The following ALPK2 variants were observed in gnomAD, a reference collection of about 807,000 sequenced individuals.
ALPK2 encodes the protein alpha kinase 2.
A neutral mutation model predicts 163.1 loss-of-function variants in ALPK2; 127 were observed. The observed-to-expected ratio is 0.78, with a 90% CI of 0.67 to 0.90. ALPK2 has a LOEUF of 0.90. Ranked by LOEUF, ALPK2 falls within the 40% of genes least tolerant of loss-of-function variation. The pLI is 0.00. For synonymous variants in ALPK2, 953 were observed against 959.1 expected (o/e 0.99, Z 0.12); for missense variants, 2,360 against 2,589.6 (o/e 0.91, Z 1.92).
chr18:58,513,827 C>T (rs895264173), intron 10 of ALPK2, among the ~76,000 whole-genome samples: 4 of 152,162 alleles, frequency 2.6e-5, no homozygotes, highest in South Asian at 2.1e-4. Context: ...GCCGTGATTG[C>T]ACCACTGCCC....
At chr18:58,494,142 T>C (rs958750923) in intron 12 of ALPK2, among the ~76,000 whole-genome samples, 20 of 152,208 alleles carry the variant, frequency 1.3e-4, no homozygotes, top group South Asian at 2.1e-4. Context: ...ATTAGGCCTT[T>C]TTTCCTTGTG....
chr18:58,536,661 G>A lies in ALPK2; in HGVS notation c.3526C>T (p.Pro1176Ser). 6.2e-7 allele frequency: 1 copy of A among 1,614,178 alleles called. No homozygotes were observed. Among genetic ancestry groups the A allele is most frequent in the Non-Finnish European group, 8.5e-7 (1 of 1,180,022 alleles). The change falls in exon 5 of 13, where the codon CCC becomes TCC. Residue 1176 changes from proline (P) to serine (S), a missense_variant. Pro to Ser is a moderately conservative substitution (Grantham distance 74). Transcript: ENST00000361673. ...ERNLVPTAHSPASSREGAGQR... is the reference protein window; with the variant it reads ...ERNLVPTAHSSASSREGAGQR... ...CCTGCTCCTTCCCTAGAGCTTGCGG[G>A]TGAGTGGGCCGTGGGCACCAAGTTT...
intron 4 of ALPK2, among the ~76,000 whole-genome samples, chr18:58,574,278 AC>A (rs1371837148): frequency 1.2e-4 from 17 of 143,682 alleles, no homozygotes; most frequent in Admixed American, 1.1e-3. Context: ...CCCTGTCTCT[AC>A]TAAAAAAAAA....
At chr18:58,566,046 G>A (rs2051851534) in intron 4 of ALPK2, among the ~76,000 whole-genome samples, 2 of 152,304 alleles carry the variant, frequency 1.3e-5, no homozygotes, top group Non-Finnish European at 2.9e-5. Flanking sequence ...CTCCCAAAGT[G>A]CTGGGATTAT....
intron 3 of ALPK2, among the ~76,000 whole-genome samples, chr18:58,583,869 AC>A (rs1460579944): frequency 6.6e-6 from 1 of 152,082 alleles, no homozygotes; most frequent in Non-Finnish European, 1.5e-5. Context: ...CTGCAGAGAA[AC>A]CACCTCCCCT....
chr18:58,484,160 G>A (rs1027083724), intron 12 of ALPK2, among the ~76,000 whole-genome samples: 2 of 152,180 alleles, frequency 1.3e-5, no homozygotes, highest in South Asian at 4.1e-4. Flanking sequence ...TTTTATTTTA[G>A]TGGTTGTTCA....
chr18:58,538,154 C>T lies in ALPK2; in HGVS notation c.2033G>A (p.Gly678Glu). The T allele has an allele frequency of 1.2e-6, 2 of 1,613,888 alleles. No homozygotes were observed. Among genetic ancestry groups the T allele is most frequent in the Non-Finnish European group, 1.7e-6 (2 of 1,180,014 alleles). ...SQMPAFSEPAGEESPFTGTTT... is the reference protein window; with the variant it reads ...SQMPAFSEPAEEESPFTGTTT... Reference sequence around the variant, plus strand: ...GGTCCCAGTGAATGGGGACTCCTCCCCAGCAGGCTCTGAGAAAGCTGGCAT... The same window carrying T: ...GGTCCCAGTGAATGGGGACTCCTCCTCAGCAGGCTCTGAGAAAGCTGGCAT... Residue 678 changes from glycine to glutamate, a missense_variant, in exon 5 of 13, where the codon GGG (glycine) becomes GAG (glutamate). Gly to Glu is a moderately conservative substitution (Grantham distance 98). Transcript: ENST00000361673.
At chr18:58,557,021 C>T (rs1292169124) in intron 4 of ALPK2, 1 of 152,332 alleles carries the variant, frequency 6.6e-6, no homozygotes, top group East Asian at 1.9e-4. Flanking sequence ...TGTAGCTCCA[C>T]GGTAACCTGA....
chr18:58,624,291 A>T (rs2052217249), intron 1 of ALPK2, among the ~76,000 whole-genome samples: 3 of 152,242 alleles, frequency 2.0e-5, no homozygotes, highest in Admixed American at 2.0e-4. Flanking sequence ...AGCTATCTTG[A>T]GACCGTGCTA....
rs115895305 is a variant in ALPK2 at position 58,519,838 on chromosome 18, C to T, written c.5666-2656G>A. On this transcript the variant is annotated intron_variant, in intron 8 of 12. Coordinates refer to ENST00000361673, the MANE Select transcript of ALPK2 (RefSeq NM_052947.4). Reference sequence around the variant, plus strand: ...AGGACAGCCTGTCCAAAACTGTCTTCCTCAGCGATGGCTGAAATGAGCGCG... The same window carrying T: ...AGGACAGCCTGTCCAAAACTGTCTTTCTCAGCGATGGCTGAAATGAGCGCG... Among the ~76,000 whole-genome samples, 1,379 of 152,292 alleles carry T rather than the reference C, an allele frequency of 9.1e-3. 18 individuals carry two copies. Among genetic ancestry groups the T allele is most frequent in the African/African-American group, 0.032 (1,326 of 41,560 alleles).
intron 4 of ALPK2, among the ~76,000 whole-genome samples, chr18:58,557,731 G>GT (rs2051802299): frequency 1.3e-5 from 2 of 149,158 alleles, no homozygotes; most frequent in African/African-American, 5.0e-5. Context: ...TGTATTTATA[G>GT]TTTGTCATTG....
intron 5 of ALPK2, among the ~76,000 whole-genome samples, chr18:58,532,136 A>C (rs1296377463): frequency 6.6e-6 from 1 of 152,116 alleles, no homozygotes. Context: ...CAAAGTCACC[A>C]TGGAAAATAA....
At chr18:58,588,666 C>G (rs1340053167) in intron 3 of ALPK2, among the ~76,000 whole-genome samples, 1 of 152,144 alleles carries the variant, frequency 6.6e-6, no homozygotes, top group Non-Finnish European at 1.5e-5. Flanking sequence ...GCTCCCACTT[C>G]TAAGTGAGAA....
intron 3 of ALPK2, among the ~76,000 whole-genome samples, chr18:58,595,339 C>T (rs1218158957): frequency 6.6e-6 from 1 of 152,210 alleles, no homozygotes; most frequent in Non-Finnish European, 1.5e-5. Flanking sequence ...CTGCTGTAAC[C>T]TTAGGGTCTA....
chr18:58,514,228 C>G (rs1018584232), intron 10 of ALPK2, among the ~76,000 whole-genome samples: 1 of 152,184 alleles, frequency 6.6e-6, no homozygotes, highest in Non-Finnish European at 1.5e-5. Context: ...ATGTACCACC[C>G]AAGGGAAACT....
chr18:58,572,978 G>A (rs114942611), intron 4 of ALPK2, among the ~76,000 whole-genome samples: 1,640 of 152,176 alleles, frequency 0.011, 15 homozygotes, highest in South Asian at 0.031. Context: ...TGGGCAAAGT[G>A]TACTGTCATC....
Position 58,575,012 on chromosome 18 carries a change from G to A in ALPK2, c.1962+3802C>T, listed in dbSNP as rs146351529. On this transcript the variant is annotated intron_variant, in intron 4 of 12. Transcript: ENST00000361673. ...GTGGATCACCTGAGGTCGGGAGTTT[G>A]AGACCAGCCTGATCAACATGGAGAA... is the stretch of plus-strand genomic sequence containing the variant. 1.5e-3 allele frequency among the ~76,000 whole-genome samples: 221 copies of A among 152,122 alleles called. 6 individuals carry two copies. The East Asian group carries it at 0.028, about 19-fold the overall frequency.
intron 1 of ALPK2, among the ~76,000 whole-genome samples, chr18:58,624,008 CA>C: frequency 6.6e-6 from 1 of 152,202 alleles, no homozygotes; most frequent in Non-Finnish European, 1.5e-5. Context: ...CTAAAGTGGC[CA>C]TTCGCTTGTC....
At chr18:58,623,938 A>AT (rs1314163046) in intron 1 of ALPK2, among the ~76,000 whole-genome samples, 3 of 152,224 alleles carry the variant, frequency 2.0e-5, no homozygotes, top group Admixed American at 6.5e-5. Context: ...GGCTAACTTT[A>AT]TAACTAAGGG....
Sources: allele counts gnomAD v4.1 joint callset (sites outside exome capture counted in the v4.1 genomes callset), GRCh38; gene constraint gnomAD v4.1.1; transcripts MANE v1.5; gene names NCBI Gene and HGNC (gene_info 2026-07-23, HGNC 2026-07-21).